Variants in CLSPN observed in about 807,000 individuals in gnomAD.
The protein encoded by CLSPN is claspin.
A neutral mutation model predicts 156.3 loss-of-function variants in CLSPN; 85 were observed. The observed-to-expected ratio is 0.54, with a 90% CI of 0.46 to 0.65. CLSPN has a LOEUF of 0.65. CLSPN is among the 30% of genes least tolerant of loss of function. The pLI is 0.00. For missense variants in CLSPN, 1,407 were observed against 1,554.9 expected (o/e 0.90, Z 1.60); for synonymous variants, 534 against 542.4 (o/e 0.98, Z 0.22).
chr1:35,752,354 C>T (rs1016815387), intron 9 of CLSPN, among the ~76,000 whole-genome samples: 18 of 152,018 alleles, frequency 1.2e-4, no homozygotes, highest in Non-Finnish European at 1.5e-5. Context: ...CCAAGGTGGG[C>T]AGATCACGAG....
At chr1:35,721,495 C>T (rs1273214579) in intron 24 of CLSPN, among the ~76,000 whole-genome samples, 1 of 152,230 alleles carries the variant, frequency 6.6e-6, no homozygotes, top group African/African-American at 2.4e-5. Context: ...TCAAGTCATT[C>T]TCCTGCCTCA....
At chr1:35,755,158 A>G (rs972770105) in intron 8 of CLSPN, among the ~76,000 whole-genome samples, 1 of 152,124 alleles carries the variant, frequency 6.6e-6, no homozygotes, top group Non-Finnish European at 1.5e-5. Context: ...CAGTGGTGCA[A>G]TCTTGGCTCT....
intron 9 of CLSPN, among the ~76,000 whole-genome samples, chr1:35,752,339 C>T (rs1400812137): frequency 8.6e-5 from 13 of 151,936 alleles, no homozygotes; most frequent in African/African-American, 2.9e-4. Context: ...CAGCACTTTG[C>T]GGGGCCAAGG....
At chr1:35,739,037 G>A (rs1394174654) in intron 20 of CLSPN, 99 bp downstream of exon 20, 1 of 1,403,486 alleles carries the variant, frequency 7.1e-7, no homozygotes, top group African/African-American at 1.4e-5. Context: ...CTGACCTTGT[G>A]ATCCACCTGC....
chr1:35,735,507 A>C lies in CLSPN; in HGVS notation c.*989T>G, dbSNP rs1641434378. The C allele has an allele frequency of 1.4e-6, 1 of 734,412 alleles. No individual in the cohort carries two copies. Among genetic ancestry groups the C allele is most frequent in the African/African-American group, 1.9e-5 (1 of 52,214 alleles). The allele number at this position is 734,412 out of a possible 1,614,324, so 45.5% of individuals were successfully genotyped here. A position where few individuals can be genotyped will look rare whatever the true frequency, so the allele number is the denominator to read the frequency against. On this transcript the variant is annotated 3_prime_UTR_variant, in exon 25 of 25. Coordinates refer to ENST00000318121, the MANE Select transcript of CLSPN (RefSeq NM_022111.4). ...TGGATCACTTGAGGTCAGGAGATCG[A>C]GACCAGCCTGGCCAACATGGTGACT...
At chr1:35,726,219 T>G (rs1456531265) in intron 24 of CLSPN, among the ~76,000 whole-genome samples, 1 of 134,060 alleles carries the variant, frequency 7.5e-6, no homozygotes, top group African/African-American at 2.8e-5. Flanking sequence ...CAGCAGGGAG[T>G]TGGGGAGCTT....
chr1:35,756,918 A>G (rs1363375008), intron 8 of CLSPN, among the ~76,000 whole-genome samples: 3 of 152,124 alleles, frequency 2.0e-5, no homozygotes, highest in Admixed American at 2.0e-4. Flanking sequence ...GTGGTCCTCT[A>G]CTTACAAAGA....
chr1:35,745,518 CCTT>C lies in CLSPN; in HGVS notation c.2896_2898del (p.Lys966del), dbSNP rs1261933543. ...TCCATTGGATCACCCATGCTGCTCTCCTTCTCCTGTTTATTTAACTCTGATGAG... is the reference window on the plus strand; with the variant it reads ...TCCATTGGATCACCCATGCTGCTCTCCTCCTGTTTATTTAACTCTGATGAG... On this transcript the variant is annotated inframe_deletion, in exon 16 of 25. Transcript: ENST00000318121. 6.2e-7 allele frequency: 1 copy of C among 1,614,088 alleles called. No individual in the cohort carries two copies. Among genetic ancestry groups the C allele is most frequent in the Admixed American group, 1.7e-5 (1 of 60,028 alleles).
chr1:35,740,544 G>A (rs546698692), intron 18 of CLSPN, among the ~76,000 whole-genome samples: 4 of 151,408 alleles, frequency 2.6e-5, no homozygotes, highest in East Asian at 2.0e-4. Flanking sequence ...TCAACCTCCC[G>A]AGTAGCTGGG....
chr1:35,753,528 TATA>T (rs56282495), intron 9 of CLSPN, among the ~76,000 whole-genome samples: 16,850 of 152,048 alleles, frequency 0.11, 1,624 homozygotes, highest in African/African-American at 0.27. Context: ...TGGGGTTTTT[TATA>T]ATAAGACAAA....
At chr1:35,765,994 C>CTCTT (rs60908491) in intron 1 of CLSPN, among the ~76,000 whole-genome samples, 73,437 of 106,386 alleles carry the variant, frequency 0.69, 29,024 homozygotes, top group Non-Finnish European at 0.86. Flanking sequence ...CTCTCTCTCT[C>CTCTT]TTTTTTTTTT....
chr1:35,736,197 AAC>A lies in CLSPN; in HGVS notation c.*297_*298del, dbSNP rs1476761775. On this transcript the variant is annotated 3_prime_UTR_variant, in exon 25 of 25. Transcript: ENST00000318121. ...CACGCCACTGCACTCCAAGCTGGGC[AAC>A]AGAGTGAGACTCCCATCTTAAAAAA... The A allele has an allele frequency of 1.0e-6, 1 of 973,882 alleles. No homozygotes were observed. Among genetic ancestry groups the A allele is most frequent in the East Asian group, 9.5e-5 (1 of 10,572 alleles). The allele number at this position is 973,882 out of a possible 1,614,324, so 60.3% of individuals were successfully genotyped here. A position where few individuals can be genotyped will look rare whatever the true frequency, so the allele number is the denominator to read the frequency against.
intron 24 of CLSPN, among the ~76,000 whole-genome samples, chr1:35,726,941 G>C (rs556869136): frequency 1.3e-5 from 2 of 152,308 alleles, no homozygotes; most frequent in African/African-American, 2.4e-5. Flanking sequence ...GCCCAATACT[G>C]GTGTGGGGCG....
chr1:35,721,117 G>T, intron 24 of CLSPN: 1 of 600,292 alleles, frequency 1.7e-6, no homozygotes, highest in Non-Finnish European at 2.9e-6. Context: ...AACTTGAGTG[G>T]AATTTCTTTC....
chr1:35,738,704 C>G, intron 20 of CLSPN, 122 bp from the exon 21 acceptor site: 1 of 999,330 alleles, frequency 1.0e-6, no homozygotes, highest in Non-Finnish European at 1.4e-6. Flanking sequence ...CATCCATTAA[C>G]AGAAAACAGT....
intron 22 of CLSPN, chr1:35,737,671 T>G: frequency 2.1e-6 from 1 of 470,584 alleles, no homozygotes. Context: ...ATTTCTGGAG[T>G]TAAATATTCC....
intron 6 of CLSPN, among the ~76,000 whole-genome samples, chr1:35,761,779 T>G (rs1571220005): frequency 6.6e-6 from 1 of 152,152 alleles, no homozygotes; most frequent in Non-Finnish European, 1.5e-5. Context: ...ATTAAAAAAT[T>G]TCCTCCTTAC....
intron 8 of CLSPN, among the ~76,000 whole-genome samples, chr1:35,756,924 A>C (rs1452809071): frequency 6.6e-6 from 1 of 152,194 alleles, no homozygotes; most frequent in East Asian, 1.9e-4. Context: ...CTCTACTTAC[A>C]AAGAGCTAAA....
rs1641418218 is a variant in CLSPN at position 35,735,019 on chromosome 1, T to A, written c.*1477A>T. On this transcript the variant is annotated 3_prime_UTR_variant, in exon 25 of 25. Transcript: ENST00000318121. Reference sequence around the variant, plus strand: ...TTCCATGGTGGCCTTCTCTCAAAATTAGTAATGAAATGCTGAAATGTCCAT... The same window carrying A: ...TTCCATGGTGGCCTTCTCTCAAAATAAGTAATGAAATGCTGAAATGTCCAT... 1.0e-6 allele frequency: 1 copy of A among 985,310 alleles called. No individual in the cohort carries two copies. Among genetic ancestry groups the A allele is most frequent in the Admixed American group, 6.1e-5 (1 of 16,266 alleles). 61.0% of individuals were successfully genotyped at this position (985,310 alleles called of 1,614,324 possible).
Sources: gnomAD v4.1 joint callset for allele counts (sites outside exome capture counted in the v4.1 genomes callset) on GRCh38, gnomAD v4.1.1 for gene constraint, MANE v1.5 for transcripts, NCBI Gene and HGNC (gene_info 2026-07-23, HGNC 2026-07-21) for gene names.